SDHAF3: variants seen among roughly 807,000 people sequenced by gnomAD.
The protein encoded by SDHAF3 is succinate dehydrogenase assembly factor 3, mitochondrial.
SDHAF3 carries 18 observed loss-of-function variants against 11.5 expected under a neutral mutation model. The observed-to-expected ratio is 1.56, with a 90% CI of 1.08 to 2.32. The LOEUF is 2.32. Among genes scored for constraint, SDHAF3 ranks in the 30% most tolerant of loss-of-function variants. The probability of loss-of-function intolerance (pLI) is 0.00; values close to 1 mark genes in which losing one functional copy is unlikely to be tolerated. For missense variants in SDHAF3, 200 were observed against 154.4 expected, an observed-to-expected ratio of 1.30 and a Z score of -1.57; for synonymous variants, 72 against 59.3, an observed-to-expected ratio of 1.21 and a Z score of -0.99.
At chr7:97,134,000 G>A (rs1438503630) in intron 1 of SDHAF3, among the ~76,000 whole-genome samples, 1 of 152,192 alleles carries the variant, frequency 6.6e-6, no homozygotes. Flanking sequence ...GGACTTTGGT[G>A]CAATAACTCT....
At chr7:97,178,772 A>G (rs1293493471) in intron 1 of SDHAF3, among the ~76,000 whole-genome samples, 1 of 151,984 alleles carries the variant, frequency 6.6e-6, no homozygotes, top group Non-Finnish European at 1.5e-5. Context: ...ACGATTTGCA[A>G]ATTTTTTCTC....
At chr7:97,120,299 G>A (rs1301002930) in intron 1 of SDHAF3, among the ~76,000 whole-genome samples, 1 of 152,130 alleles carries the variant, frequency 6.6e-6, no homozygotes. Context: ...AATTATCACA[G>A]TTACAAGGCA....
intron 1 of SDHAF3, among the ~76,000 whole-genome samples, chr7:97,170,133 G>A (rs1789584418): frequency 6.6e-6 from 1 of 151,362 alleles, no homozygotes; most frequent in African/African-American, 2.4e-5. Context: ...TTACTGTGGT[G>A]TCATTGATGC....
chr7:97,165,958 A>G, intron 1 of SDHAF3, among the ~76,000 whole-genome samples: 1 of 152,230 alleles, frequency 6.6e-6, no homozygotes, highest in Non-Finnish European at 1.5e-5. Context: ...GAAGTCTGCT[A>G]TAAAAAAACT....
Position 97,181,117 on chromosome 7 carries a change from C to G in SDHAF3, c.280C>G (p.Arg94Gly), listed in dbSNP as rs775135701. ...FLPEEKLNDF[R>G]DEQIGQLQEL... ...CCCAGAAGAAAAACTTAATGACTTTCGTGATGAACAAATTGGACAGTTGCA... is the reference window on the plus strand; with the variant it reads ...CCCAGAAGAAAAACTTAATGACTTTGGTGATGAACAAATTGGACAGTTGCA... The change falls in exon 2 of 2, where the codon CGT becomes GGT. Residue 94 changes from arginine to glycine, a missense_variant. Transcript: ENST00000432641. 1 of 1,613,826 alleles carries G rather than the reference C, an allele frequency of 6.2e-7. No homozygotes were observed. Among genetic ancestry groups the G allele is most frequent in the African/African-American group, 1.3e-5 (1 of 74,912 alleles).
chr7:97,168,372 A>T (rs188859163), intron 1 of SDHAF3, among the ~76,000 whole-genome samples: 19 of 152,318 alleles, frequency 1.2e-4, no homozygotes, highest in African/African-American at 3.8e-4. Context: ...TTAGTCCTAC[A>T]ACAGCAGTCT....
intron 1 of SDHAF3, among the ~76,000 whole-genome samples, chr7:97,125,347 T>C (rs922159295): frequency 1.3e-5 from 2 of 152,202 alleles, no homozygotes; most frequent in Non-Finnish European, 2.9e-5. Flanking sequence ...TTTCTCACTT[T>C]CTGATGTGGG....
At chr7:97,140,683 T>TA (rs1194349947) in intron 1 of SDHAF3, among the ~76,000 whole-genome samples, 2 of 152,176 alleles carry the variant, frequency 1.3e-5, no homozygotes, top group African/African-American at 4.8e-5. Context: ...CCCCAATCGA[T>TA]ACCCTGTGAT....
At chr7:97,130,261 T>C (rs1273682395) in intron 1 of SDHAF3, among the ~76,000 whole-genome samples, 3 of 133,332 alleles carry the variant, frequency 2.3e-5, no homozygotes, top group African/African-American at 8.8e-5. Flanking sequence ...GACGGAGTGA[T>C]ACCCAGTCTA....
intron 1 of SDHAF3, among the ~76,000 whole-genome samples, chr7:97,148,383 A>G (rs1215736294): frequency 6.6e-6 from 1 of 152,094 alleles, no homozygotes; most frequent in Non-Finnish European, 1.5e-5. Flanking sequence ...ACAATGTTTT[A>G]AAAATTAGCC....
intron 1 of SDHAF3, among the ~76,000 whole-genome samples, chr7:97,149,988 G>A (rs939112018): frequency 2.0e-5 from 3 of 152,198 alleles, no homozygotes; most frequent in African/African-American, 7.2e-5. Flanking sequence ...TTTCAGCACT[G>A]TTCACGCATC....
chr7:97,121,824 C>T (rs1334991877), intron 1 of SDHAF3, among the ~76,000 whole-genome samples: 2 of 149,030 alleles, frequency 1.3e-5, no homozygotes, highest in Non-Finnish European at 3.0e-5. Context: ...AGGTAAGAAA[C>T]AGTATGAGGT....
intron 1 of SDHAF3, among the ~76,000 whole-genome samples, chr7:97,165,357 C>CTTTTTTTTTTTTTTTTTTTTTT (rs10653828): frequency 1.0e-4 from 8 of 77,022 alleles, no homozygotes; most frequent in African/African-American, 1.5e-4. Context: ...ATTTTCCTAC[C>CTTTTTTTTTTTTTTTTTTTTTT]TTTTTTTTTT....
At chr7:97,169,843 T>G (rs964617840) in intron 1 of SDHAF3, among the ~76,000 whole-genome samples, 9 of 152,168 alleles carry the variant, frequency 5.9e-5, no homozygotes, top group African/African-American at 2.2e-4. Context: ...TTAGTTGTTT[T>G]TGATGACTAA....
chr7:97,139,773 T>C (rs1391726275), intron 1 of SDHAF3, among the ~76,000 whole-genome samples: 1 of 152,252 alleles, frequency 6.6e-6, no homozygotes, highest in Admixed American at 6.5e-5. Context: ...TTGTTATTCT[T>C]AATTAAGTCT....
At chr7:97,125,030 GA>G (rs1368367897) in intron 1 of SDHAF3, among the ~76,000 whole-genome samples, 1 of 152,096 alleles carries the variant, frequency 6.6e-6, no homozygotes, top group Non-Finnish European at 1.5e-5. Flanking sequence ...ATACTACGTT[GA>G]ATAGGAGTGG....
At chr7:97,164,661 C>T (rs1789473990) in intron 1 of SDHAF3, among the ~76,000 whole-genome samples, 1 of 152,060 alleles carries the variant, frequency 6.6e-6, no homozygotes, top group Non-Finnish European at 1.5e-5. Context: ...AGGTGTGAGC[C>T]AGCGTGCCTT....
intron 1 of SDHAF3, among the ~76,000 whole-genome samples, chr7:97,172,981 C>A (rs1789626055): frequency 6.6e-6 from 1 of 151,344 alleles, no homozygotes; most frequent in Non-Finnish European, 1.5e-5. Flanking sequence ...GAAATGGCTC[C>A]ACCTCAGATC....
intron 1 of SDHAF3, among the ~76,000 whole-genome samples, chr7:97,159,402 A>C (rs963974032): frequency 6.6e-6 from 1 of 152,126 alleles, no homozygotes; most frequent in Non-Finnish European, 1.5e-5. Context: ...CTTTCCTCCC[A>C]AGTTTTTTGG....
Sources: allele counts gnomAD v4.1 joint callset (sites outside exome capture counted in the v4.1 genomes callset), GRCh38; gene constraint gnomAD v4.1.1; transcripts MANE v1.5; gene names NCBI Gene and HGNC (gene_info 2026-07-23, HGNC 2026-07-21).